Variants in CDYL observed in about 807,000 individuals in gnomAD.
CDYL encodes chromodomain Y-like protein.
In CDYL, 8 loss-of-function variants were observed where a neutral mutation model predicts 47.3. The observed-to-expected ratio is 0.17, with a 90% confidence interval of 0.10 to 0.31. CDYL has a LOEUF of 0.31. Ranked by LOEUF, CDYL falls within the 10% of genes least tolerant of loss-of-function variation. CDYL has a pLI of 1.00. For synonymous variants in CDYL, 266 were observed against 265.0 expected (o/e 1.00, Z -0.04); for missense variants, 471 against 701.4 (o/e 0.67, Z 3.71).
chr6:4,714,919 CATGTT>C (rs1757225182), intron 1 of CDYL: 1 of 152,152 alleles, frequency 6.6e-6, no homozygotes, highest in African/African-American at 2.4e-5. Flanking sequence ...CTGTAAATGA[CATGTT>C]ATAATAGTTT....
At chr6:4,832,181 T>G (rs1760166002) in intron 1 of CDYL, among the ~76,000 whole-genome samples, 1 of 152,214 alleles carries the variant, frequency 6.6e-6, no homozygotes, top group African/African-American at 2.4e-5. Flanking sequence ...CTTCCAGTTT[T>G]TGTCCATTCA....
intron 2 of CDYL, among the ~76,000 whole-genome samples, chr6:4,722,906 G>T (rs769339363): frequency 2.0e-5 from 3 of 152,064 alleles, no homozygotes; most frequent in African/African-American, 4.8e-5. Context: ...CACAGTCCTG[G>T]GAACACCCCA....
At chr6:4,930,172 G>T (rs1004676693) in intron 2 of CDYL, among the ~76,000 whole-genome samples, 3 of 152,146 alleles carry the variant, frequency 2.0e-5, no homozygotes, top group Admixed American at 6.5e-5. Context: ...CCGGCCCTAG[G>T]CAGACTTGAG....
intron 3 of CDYL, among the ~76,000 whole-genome samples, chr6:4,749,295 G>A (rs1022549475): frequency 7.4e-6 from 1 of 135,506 alleles, no homozygotes; most frequent in Admixed American, 8.1e-5. Context: ...ATGGATGGAT[G>A]GATGGATGGA....
At chr6:4,706,539 TC>T (rs1757050305) in intron 1 of CDYL, among the ~76,000 whole-genome samples, 2 of 152,088 alleles carry the variant, frequency 1.3e-5, no homozygotes, top group Admixed American at 1.3e-4. Flanking sequence ...AGGCCTGTAA[TC>T]CCAGCACTTT....
At chr6:4,885,767 A>C (rs984771722) in intron 1 of CDYL, among the ~76,000 whole-genome samples, 2 of 152,212 alleles carry the variant, frequency 1.3e-5, no homozygotes, top group African/African-American at 2.4e-5. Context: ...ATTAACTCAC[A>C]TACCAGTTTA....
At chr6:4,759,809 G>A (rs1199248676) in intron 3 of CDYL, among the ~76,000 whole-genome samples, 2 of 140,144 alleles carry the variant, frequency 1.4e-5, no homozygotes, top group Admixed American at 7.6e-5. Flanking sequence ...AACCCAGGAG[G>A]TGGAGGTTGC....
At chr6:4,747,954 C>G (rs113619681) in intron 3 of CDYL, among the ~76,000 whole-genome samples, 7 of 152,334 alleles carry the variant, frequency 4.6e-5, no homozygotes, top group African/African-American at 1.7e-4. Context: ...CCTTCTCCAT[C>G]TTTGTACTGC....
chr6:4,837,961 A>G (rs539684966), intron 1 of CDYL, among the ~76,000 whole-genome samples: 4 of 149,976 alleles, frequency 2.7e-5, no homozygotes, highest in Non-Finnish European at 5.9e-5. Context: ...TTTTTTAAAT[A>G]GAGATGGGGT....
chr6:4,754,115 C>T (rs920521305), intron 3 of CDYL, among the ~76,000 whole-genome samples: 2 of 151,992 alleles, frequency 1.3e-5, no homozygotes, highest in Non-Finnish European at 1.5e-5. Flanking sequence ...ACAGTCTGGG[C>T]AATAGAGCGA....
At chr6:4,898,471 C>T (rs1762351019) in intron 2 of CDYL, among the ~76,000 whole-genome samples, 2 of 152,170 alleles carry the variant, frequency 1.3e-5, no homozygotes, top group Admixed American at 1.3e-4. Flanking sequence ...TGTTATCTTG[C>T]TTATTCTTTT....
At chr6:4,946,479 AC>A (rs1758519785) in intron 5 of CDYL, among the ~76,000 whole-genome samples, 2 of 151,706 alleles carry the variant, frequency 1.3e-5, no homozygotes, top group African/African-American at 4.8e-5. Context: ...TTGCCCATCC[AC>A]CCAGTGAGCC....
At chr6:4,798,060 T>C (rs1759125663) in intron 1 of CDYL, among the ~76,000 whole-genome samples, 1 of 152,050 alleles carries the variant, frequency 6.6e-6, no homozygotes, top group Non-Finnish European at 1.5e-5. Context: ...GCAGCCTTGA[T>C]TTCCTGGACT....
intron 2 of CDYL, among the ~76,000 whole-genome samples, chr6:4,903,969 C>T (rs936709070): frequency 2.0e-5 from 3 of 152,194 alleles, no homozygotes; most frequent in Admixed American, 6.5e-5. Context: ...TGGAGCTTGG[C>T]ATTGCAGAGC....
At chr6:4,926,746 T>C (rs543588608) in intron 2 of CDYL, among the ~76,000 whole-genome samples, 3 of 152,266 alleles carry the variant, frequency 2.0e-5, no homozygotes, top group Non-Finnish European at 4.4e-5. Flanking sequence ...TTCTATAATT[T>C]ACATTCCTAA....
intron 1 of CDYL, among the ~76,000 whole-genome samples, chr6:4,813,733 C>T (rs1759591809): frequency 6.6e-6 from 1 of 151,788 alleles, no homozygotes; most frequent in Non-Finnish European, 1.5e-5. Context: ...GTTTCTATCT[C>T]AGACTTGTAA....
chr6:4,937,282 C>G (rs1758224309), intron 3 of CDYL, among the ~76,000 whole-genome samples: 2 of 152,060 alleles, frequency 1.3e-5, no homozygotes, highest in Admixed American at 1.3e-4. Flanking sequence ...TTGTTTGAGC[C>G]CAGGAGTTCA....
In CDYL at chr6:4,925,413, T is replaced by TTC. The variant is rs1554108355; in HGVS notation, c.692-10101_692-10100insCT. On this transcript the variant is annotated intron_variant, in intron 2 of 6. Transcript: ENST00000397588. ...TTACAGGAGCTATTCTTTTTTCTTT[T>TTC]TTTTTTTTTTTTTTTTGAGACAGAA... Among the ~76,000 whole-genome samples, 21 of 130,578 alleles carry TTC rather than the reference T, an allele frequency of 1.6e-4. No homozygotes were observed. The East Asian group carries it at 4.1e-3, about 25-fold the overall frequency. 85.7% of individuals were successfully genotyped at this position (130,578 alleles called of 152,430 possible).
intron 2 of CDYL, among the ~76,000 whole-genome samples, chr6:4,722,267 G>C (rs1233858401): frequency 6.6e-6 from 1 of 151,834 alleles, no homozygotes; most frequent in Non-Finnish European, 1.5e-5. Context: ...AGTTCAACCA[G>C]CCTGGGCAAC....
Sources: allele counts gnomAD v4.1 joint callset (sites outside exome capture counted in the v4.1 genomes callset), GRCh38; gene constraint gnomAD v4.1.1; transcripts MANE v1.5; gene names NCBI Gene and HGNC (gene_info 2026-07-23, HGNC 2026-07-21).